Variants in PCIF1 observed in about 807,000 individuals in gnomAD.
PCIF1 encodes phosphorylated CTD interacting factor 1.
A neutral mutation model predicts 86.9 loss-of-function variants in PCIF1; 12 were observed. The ratio of observed to expected loss-of-function variants is 0.14; its 90% CI spans 0.09 to 0.22. The LOEUF is 0.22. PCIF1 is among the 10% of genes least tolerant of loss of function. PCIF1 has a pLI of 1.00. For synonymous variants in PCIF1, 397 were observed against 372.0 expected (o/e 1.07, Z -0.77); for missense variants, 701 against 951.1 (o/e 0.74, Z 3.46).
chr20:45,945,113 A>C (rs974674878), intron 11 of PCIF1, 83 bp downstream of exon 11: 8 of 1,452,724 alleles, frequency 5.5e-6, no homozygotes, highest in African/African-American at 4.2e-5. Flanking sequence ...ACTGAGCCTC[A>C]AGGCCAGGGA....
intron 5 of PCIF1, 94 bp downstream of exon 5, chr20:45,940,706 C>A (rs977897692): frequency 1.2e-5 from 19 of 1,567,944 alleles, no homozygotes; most frequent in Non-Finnish European, 1.6e-5. Flanking sequence ...GGCAGGCCAG[C>A]CAGGAGGGGG....
Position 45,947,185 on chromosome 20 carries a change from TGA to T in PCIF1, c.1707+23_1707+24del, listed in dbSNP as rs1304286120. 4.4e-6 allele frequency: 7 copies of T among 1,606,580 alleles called. No homozygotes were observed. Among genetic ancestry groups the T allele is most frequent in the African/African-American group, 1.3e-5 (1 of 74,748 alleles). ...CTTTGAGGTGGGTGCACTGCCAGGG[TGA>T]GAGGTGGGCAACAGGCAGGATTGCC... On this transcript the variant is annotated intron_variant, in intron 15 of 16. Coordinates refer to ENST00000372409, the MANE Select transcript of PCIF1 (RefSeq NM_022104.4). This position sits in a 1 kb window ranked among gnomAD's most constrained non-coding sequence, Gnocchi z 5.4.
chr20:45,939,890 C>A (rs1449192119), intron 4 of PCIF1, among the ~76,000 whole-genome samples: 1 of 152,198 alleles, frequency 6.6e-6, no homozygotes, highest in Non-Finnish European at 1.5e-5. Flanking sequence ...CATTTCTTTA[C>A]TGGGCACAGT....
At position 45,945,790 on chromosome 20, in the gene PCIF1, G is replaced by T; in HGVS notation, c.1248G>T (p.Met416Ile). 1 of 1,613,918 alleles carries T rather than the reference G, an allele frequency of 6.2e-7. No individual in the cohort carries two copies. Among genetic ancestry groups the T allele is most frequent in the Non-Finnish European group, 8.5e-7 (1 of 1,180,034 alleles). Residue 416 changes from methionine (M) to isoleucine (I), a missense_variant, in exon 12 of 17, where the codon ATG becomes ATT. Transcript: ENST00000372409. ...GGCTGGCTGTGTCTGCACCGCCCAT[G>T]CCCAGCGTGGAGATGCACATGGAGA... ...PVRLAVSAPP[M>I]PSVEMHMENN...
chr20:45,934,919 GTC>G (rs926728315), intron 1 of PCIF1, 115 bp downstream of exon 1: 2 of 396,530 alleles, frequency 5.0e-6, no homozygotes, highest in African/African-American at 4.1e-5. Context: ...CGCTTGCCCT[GTC>G]TCTGTTGCCG....
Position 45,943,738 on chromosome 20 carries a change from C to A in PCIF1, c.978C>A (p.Asp326Glu). 6.4e-7 allele frequency: 1 copy of A among 1,558,982 alleles called. No homozygotes were observed. The highest frequency in any genetic ancestry group is 8.7e-7 in the Non-Finnish European group (1 of 1,150,550). ...ACACCTTTAGCTGGCTTCGGAAGGA[C>A]CACTCAGCCTCCAAGGAGGACTACA... The part of the protein sequence containing the change: ...VEDTFSWLRK[D>E]HSASKEDYMD... The change falls in exon 10 of 17, where the codon GAC becomes GAA. Residue 326 changes from aspartate (D) to glutamate (E), a missense_variant. By Grantham distance (45) the Asp-to-Glu change is conservative. Transcript: ENST00000372409. The surrounding 1 kb of genome is among the most constrained non-coding windows in gnomAD (Gnocchi z 5.5).
chr20:45,941,300 G>T (rs2083467886), intron 7 of PCIF1, 93 bp downstream of exon 7: 5 of 1,444,288 alleles, frequency 3.5e-6, no homozygotes, highest in Non-Finnish European at 4.7e-6. Context: ...GCGGAGTGGG[G>T]CCCAGTGGTG....
intron 11 of PCIF1, 37 bp from the exon 12 acceptor site, chr20:45,945,674 G>T: frequency 1.2e-6 from 2 of 1,600,926 alleles, no homozygotes; most frequent in Non-Finnish European, 8.5e-7. Flanking sequence ...GCGTGAGAAT[G>T]AGGAGTGTGG....
At position 45,934,773 on chromosome 20, in the gene PCIF1, T is replaced by C. The variant is rs2096707349; in HGVS notation, c.-219T>C. On this transcript the variant is annotated 5_prime_UTR_variant, in exon 1 of 17. Coordinates refer to ENST00000372409, the MANE Select transcript of PCIF1 (RefSeq NM_022104.4). ...AAAACGGGCGGTCGAGCAGAACGTGTAGCCGCGTCCCCTCCAGTCCGCTCC... is the reference window on the plus strand; with the variant it reads ...AAAACGGGCGGTCGAGCAGAACGTGCAGCCGCGTCCCCTCCAGTCCGCTCC... 3 of 398,258 alleles carry C rather than the reference T, an allele frequency of 7.5e-6. No homozygotes were observed. Among genetic ancestry groups the C allele is most frequent in the South Asian group, 1.3e-4 (1 of 7,862 alleles). 24.7% of individuals were successfully genotyped at this position (398,258 alleles called of 1,614,324 possible). A position where few individuals can be genotyped will look rare whatever the true frequency, so the allele number is the denominator to read the frequency against.
rs184394592 is a variant in PCIF1 at position 45,936,656 on chromosome 20, C to T, written c.-187-762C>T. ...GCAATTTTTTTTTATTTGGGCCCGG[C>T]GCAGTGGCTCACACCTGTAATCCCA... On this transcript the variant is annotated intron_variant, in intron 1 of 16. Transcript: ENST00000372409. Among the ~76,000 whole-genome samples the T allele has an allele frequency of 9.9e-5, 15 of 151,786 alleles. 1 individual carries two copies. Among genetic ancestry groups the T allele is most frequent in the African/African-American group, 2.7e-4 (11 of 41,434 alleles).
At chr20:45,935,896 A>G (rs1429366995) in intron 1 of PCIF1, among the ~76,000 whole-genome samples, 1 of 151,714 alleles carries the variant, frequency 6.6e-6, no homozygotes, top group East Asian at 1.9e-4. Flanking sequence ...CAGTGTCCCC[A>G]TTTAGCCTCA....
Position 45,943,741 on chromosome 20 carries a change from C to T in PCIF1, c.981C>T (p.His327=). ...EDTFSWLRKD[H]SASKEDYMDR... The stretch of plus-strand genomic sequence containing the variant: ...CCTTTAGCTGGCTTCGGAAGGACCA[C>T]TCAGCCTCCAAGGAGGACTACATGG... The change falls in exon 10 of 17, where the codon CAC becomes CAT. Residue 327 remains histidine (H), a synonymous_variant. Coordinates refer to ENST00000372409, the MANE Select transcript of PCIF1 (RefSeq NM_022104.4). This position sits in a 1 kb window ranked among gnomAD's most constrained non-coding sequence, Gnocchi z 5.5. 1 of 1,558,372 alleles carries T rather than the reference C, an allele frequency of 6.4e-7. No homozygotes were observed. Among genetic ancestry groups the T allele is most frequent in the Non-Finnish European group, 8.7e-7 (1 of 1,150,248 alleles).
At chr20:45,944,076 C>G (rs2083499775) in intron 10 of PCIF1, among the ~76,000 whole-genome samples, 1 of 152,088 alleles carries the variant, frequency 6.6e-6, no homozygotes, top group African/African-American at 2.4e-5. Flanking sequence ...TTTTTGGAAA[C>G]AGATTGACAG....
At position 45,944,850 on chromosome 20, in the gene PCIF1, C is replaced by G; in HGVS notation, c.1006-18C>G. On this transcript the variant is annotated intron_variant, in intron 10 of 16. Coordinates refer to ENST00000372409, the MANE Select transcript of PCIF1 (RefSeq NM_022104.4). ...CTCTGGCCTCCACTAGCGCCCTGAT[C>G]CAGAATGTGTCCTCTAGGATCGCCT... The G allele has an allele frequency of 6.2e-7, 1 of 1,605,968 alleles. No homozygotes were observed. The highest frequency in any genetic ancestry group is 8.5e-7 in the Non-Finnish European group (1 of 1,174,464).
In PCIF1 at chr20:45,939,225, G is replaced by A. The variant is rs776531044; in HGVS notation, c.135G>A (p.Val45=). 30 of 1,613,854 alleles carry A rather than the reference G, an allele frequency of 1.9e-5. No individual in the cohort carries two copies. The highest frequency in any genetic ancestry group is 3.3e-5 in the Admixed American group (2 of 60,006). ...RLVQDLPEEL[V]HAGWEKCWSR... is the part of the protein sequence containing the mutation. ...CGTGCCTGTTTGCAGAGGAGCTGGT[G>A]CATGCAGGCTGGGAGAAGTGCTGGA... is the stretch of plus-strand genomic sequence containing the variant. Residue 45 remains valine, a synonymous_variant, in exon 4 of 17, where the codon GTG becomes GTA. Transcript: ENST00000372409.
At chr20:45,938,143 G>C (rs941379090) in intron 2 of PCIF1, among the ~76,000 whole-genome samples, 1 of 152,204 alleles carries the variant, frequency 6.6e-6, no homozygotes, top group Non-Finnish European at 1.5e-5. Flanking sequence ...CTGTTGCTGG[G>C]TGTGCTTTGG....
In PCIF1 at chr20:45,943,524, TG is replaced by T. The variant is rs1226743088; in HGVS notation, c.905+103del. On this transcript the variant is annotated intron_variant, in intron 9 of 16. Transcript: ENST00000372409. This position sits in a 1 kb window ranked among gnomAD's most constrained non-coding sequence, Gnocchi z 5.5. Reference sequence around the variant, plus strand: ...CATGCAGGGCTGTCATTGCTCTCGGTGGCAGAAGTGGGGCCAGCTCCCAAAG... The same window carrying T: ...CATGCAGGGCTGTCATTGCTCTCGGTGCAGAAGTGGGGCCAGCTCCCAAAG... 7.3e-7 allele frequency: 1 copy of T among 1,361,672 alleles called. No individual in the cohort carries two copies. Among genetic ancestry groups the T allele is most frequent in the Non-Finnish European group, 1.0e-6 (1 of 980,920 alleles). 84.3% of individuals were successfully genotyped at this position (1,361,672 alleles called of 1,614,324 possible). A position where few individuals can be genotyped will look rare whatever the true frequency, so the allele number is the denominator to read the frequency against.
Position 45,939,348 on chromosome 20 carries a change from C to T in PCIF1, c.249+9C>T. On this transcript the variant is annotated intron_variant, in intron 4 of 16. Coordinates refer to ENST00000372409, the MANE Select transcript of PCIF1 (RefSeq NM_022104.4). ...GGCAGCACGATGTGATTGTGAGTGC[C>T]AGCCTAGGGTGGGGGGGTCTCAGAG... The T allele has an allele frequency of 6.2e-7, 1 of 1,613,056 alleles. No homozygotes were observed. Among genetic ancestry groups the T allele is most frequent in the Non-Finnish European group, 8.5e-7 (1 of 1,179,924 alleles).
At chr20:45,935,491 G>A (rs1378345950) in intron 1 of PCIF1, among the ~76,000 whole-genome samples, 2 of 152,092 alleles carry the variant, frequency 1.3e-5, no homozygotes, top group Non-Finnish European at 2.9e-5. Context: ...GAGCAGTTAT[G>A]TCTTACTGGG....
Sources: allele counts gnomAD v4.1 joint callset (sites outside exome capture counted in the v4.1 genomes callset), GRCh38; gene constraint gnomAD v4.1.1; non-coding constraint Gnocchi (gnomAD v3.1); transcripts MANE v1.5; gene names NCBI Gene and HGNC (gene_info 2026-07-23, HGNC 2026-07-21).